The following VSTM1 variants were observed in gnomAD, a reference collection of about 807,000 sequenced individuals.
The protein encoded by VSTM1 is V-set and transmembrane domain-containing protein 1.
In VSTM1, 27 loss-of-function variants were observed where a neutral mutation model predicts 33.1. The observed-to-expected ratio is 0.82, with a 90% CI of 0.60 to 1.12. The LOEUF (loss-of-function observed/expected upper bound fraction) is 1.12. VSTM1 is among the 50% of genes most tolerant of loss of function. The probability of loss-of-function intolerance (pLI) is 0.00; values close to 1 mark genes in which losing one functional copy is unlikely to be tolerated. For synonymous variants in VSTM1, 115 were observed against 110.3 expected (o/e 1.04, Z -0.27); for missense variants, 304 against 288.9 (o/e 1.05, Z -0.38).
chr19:54,043,456 G>C (rs2070420181), intron 4 of VSTM1, among the ~76,000 whole-genome samples: 1 of 151,560 alleles, frequency 6.6e-6, no homozygotes, highest in Non-Finnish European at 1.5e-5. Flanking sequence ...TTATCGTCCA[G>C]GCTGGAGTGC....
chr19:54,042,839 CAT>C (rs57596611), intron 4 of VSTM1, among the ~76,000 whole-genome samples: 3,910 of 70,282 alleles, frequency 0.056, 115 homozygotes, highest in African/African-American at 0.13. Flanking sequence ...TATATATATA[CAT>C]ATATATATAT....
intron 1 of VSTM1, among the ~76,000 whole-genome samples, chr19:54,060,087 C>G (rs867982171): frequency 6.9e-6 from 1 of 145,468 alleles, no homozygotes; most frequent in African/African-American, 2.5e-5. Context: ...CTCCTGACCT[C>G]GTGATCCACC....
At chr19:54,045,523 C>T (rs2070531646) in intron 4 of VSTM1, among the ~76,000 whole-genome samples, 1 of 152,200 alleles carries the variant, frequency 6.6e-6, no homozygotes, top group South Asian at 2.1e-4. Flanking sequence ...CCTATCATAT[C>T]TAATTATCAC....
At chr19:54,052,383 G>T (rs2070897095) in intron 3 of VSTM1, among the ~76,000 whole-genome samples, 1 of 138,638 alleles carries the variant, frequency 7.2e-6, no homozygotes, top group African/African-American at 2.7e-5. Context: ...GAGGGACAGA[G>T]CCAGACTCCG....
At chr19:54,043,955 C>T (rs951673000) in intron 4 of VSTM1, among the ~76,000 whole-genome samples, 4 of 151,874 alleles carry the variant, frequency 2.6e-5, no homozygotes, top group Non-Finnish European at 5.9e-5. Flanking sequence ...AATGGGTTCC[C>T]ATTGTTGCCC....
chr19:54,062,924 T>C lies in VSTM1; in HGVS notation c.34+820A>G, dbSNP rs1326888273. On this transcript the variant is annotated intron_variant, in intron 1 of 8. Coordinates refer to ENST00000338372, the MANE Select transcript of VSTM1 (RefSeq NM_198481.4). ...TGCTGGGTCAAGCCTAGAGTTTCTA[T>C]GTAGTAAAGCCGAGATTATAACCCA... is the stretch of plus-strand genomic sequence containing the variant. Among the ~76,000 whole-genome samples, 3 of 152,054 alleles carry C rather than the reference T, an allele frequency of 2.0e-5. No homozygotes were observed. In the East Asian group the frequency reaches 5.8e-4, roughly 29 times the overall value.
rs147780357 is a variant in VSTM1, at chr19:54,063,633, C to A, written c.34+111G>T. 130 of 1,349,854 alleles carry A rather than the reference C, an allele frequency of 9.6e-5. 2 individuals are homozygous for A. In the East Asian group the frequency reaches 3.1e-3, roughly 32 times the overall value. The allele number at this position is 1,349,854 out of a possible 1,614,324, so 83.6% of individuals were successfully genotyped here. On this transcript the variant is annotated intron_variant, in intron 1 of 8. Transcript: ENST00000338372. ...CCCAGACCCACCCACCGCAGGTGTGCAACACCTGGAAGTCATTACTTCCAC... is the reference window on the plus strand; with the variant it reads ...CCCAGACCCACCCACCGCAGGTGTGAAACACCTGGAAGTCATTACTTCCAC...
chr19:54,058,400 C>A lies in VSTM1; in HGVS notation c.261G>T (p.Lys87Asn). The change falls in exon 3 of 9, where the codon AAG becomes AAT. Residue 87 changes from lysine (K) to asparagine (N), a missense_variant. Coordinates refer to ENST00000338372, the MANE Select transcript of VSTM1 (RefSeq NM_198481.4). ...NEAEFPFTDL[K>N]PKDAGRYFCA... is the part of the protein sequence containing the mutation. The stretch of plus-strand genomic sequence containing the variant: ...AAAAGTACCTCCCAGCATCCTTAGG[C>A]TTCAGGTCCGTGAAGGGGAATTCAG... 1 of 1,614,138 alleles carries A rather than the reference C, an allele frequency of 6.2e-7. No individual in the cohort carries two copies. Among genetic ancestry groups the A allele is most frequent in the Non-Finnish European group, 8.5e-7 (1 of 1,180,034 alleles).
intron 4 of VSTM1, 96 bp downstream of exon 4, chr19:54,051,314 C>T (rs969792348): frequency 5.4e-6 from 6 of 1,120,872 alleles, no homozygotes; most frequent in Non-Finnish European, 7.7e-6. Context: ...AACAAACAAA[C>T]AAACAAATAA....
In VSTM1 at chr19:54,044,126, C is replaced by T. The variant is rs183357298; in HGVS notation, c.395-1757G>A. On this transcript the variant is annotated intron_variant, in intron 4 of 8. Transcript: ENST00000338372. ...TGCCAGGTAATGAACAGCAGTGACACGGGCATGGAAGGCGTTTAGAGTGGG... is the reference window on the plus strand; with the variant it reads ...TGCCAGGTAATGAACAGCAGTGACATGGGCATGGAAGGCGTTTAGAGTGGG... Among the ~76,000 whole-genome samples, 70 of 152,110 alleles carry T rather than the reference C, an allele frequency of 4.6e-4. No homozygotes were observed. In the East Asian group the frequency reaches 5.8e-3, roughly 13 times the overall value.
At chr19:54,058,007 G>A (rs1197819636) in intron 3 of VSTM1, among the ~76,000 whole-genome samples, 1 of 152,150 alleles carries the variant, frequency 6.6e-6, no homozygotes, top group African/African-American at 2.4e-5. Flanking sequence ...TTGGGAGGCG[G>A]AGGCAGGTGG....
chr19:54,059,858 TA>T (rs1247052555), intron 1 of VSTM1, among the ~76,000 whole-genome samples: 2,201 of 142,700 alleles, frequency 0.015, 28 homozygotes, highest in Non-Finnish European at 0.024. Flanking sequence ...TTTTTTTTTT[TA>T]TTTTTCGAGA....
intron 1 of VSTM1, among the ~76,000 whole-genome samples, chr19:54,059,055 CTTTCT>C (rs1476613100): frequency 8.0e-6 from 1 of 125,588 alleles, no homozygotes; most frequent in Non-Finnish European, 1.6e-5. Context: ...GCAACTTCTT[CTTTCT>C]TTTTTTTTTT....
chr19:54,050,096 T>C (rs2070768422), intron 4 of VSTM1, among the ~76,000 whole-genome samples: 1 of 150,062 alleles, frequency 6.7e-6, no homozygotes, highest in Non-Finnish European at 1.5e-5. Context: ...CCTCCCAGGT[T>C]CAAGCAATTC....
intron 3 of VSTM1, among the ~76,000 whole-genome samples, chr19:54,053,705 G>C (rs8110260): frequency 0.29 from 41,168 of 140,894 alleles, 11,299 homozygotes; most frequent in Non-Finnish European, 0.38. Context: ...GCTAAGCTGT[G>C]CCTGGACTCC....
chr19:54,062,373 C>A (rs1299905965), intron 1 of VSTM1, among the ~76,000 whole-genome samples: 1 of 152,094 alleles, frequency 6.6e-6, no homozygotes, highest in Non-Finnish European at 1.5e-5. Flanking sequence ...CTCCTGGTTG[C>A]CCAGCTTACT....
chr19:54,042,167 A>C lies in VSTM1; in HGVS notation c.515+2T>G, dbSNP rs369663267. ...GGAGCATGAGCTATGCCAAGCATCT[A>C]CCTCTTGGTGGATTCCTCAGATGAT... On this transcript the variant is annotated splice_donor_variant, in intron 6 of 8. Transcript: ENST00000338372. LOFTEE classifies it high-confidence loss of function. 13 of 1,613,586 alleles carry C rather than the reference A, an allele frequency of 8.1e-6. No homozygotes were observed. Among genetic ancestry groups the C allele is most frequent in the Middle Eastern group, 1.6e-4 (1 of 6,084 alleles).
rs561698021 is a variant in VSTM1 at position 54,041,552 on chromosome 19, C to G, written c.591+227G>C. 1.2e-3 allele frequency among the ~76,000 whole-genome samples: 183 copies of G among 152,272 alleles called. 1 individual carries two copies. Among genetic ancestry groups the G allele is most frequent in the African/African-American group, 3.4e-3 (142 of 41,570 alleles). On this transcript the variant is annotated intron_variant, in intron 8 of 8. Transcript: ENST00000338372. Reference sequence around the variant, plus strand: ...TCCTGACCTCATGATCCGCCCGCCTCGGCCTCCCAAAGTGCTGGGATTACA... The same window carrying G: ...TCCTGACCTCATGATCCGCCCGCCTGGGCCTCCCAAAGTGCTGGGATTACA...
chr19:54,063,772 G>T lies in VSTM1; in HGVS notation c.6C>A (p.Thr2=). ...GGCAAAGCAGGGAGAGGAATTCTGC[G>T]GTCATAGCGTCCCTTCTGCCAGAAC... M[T]AEFLSLLCLG... is the part of the protein sequence containing the mutation. The change falls in exon 1 of 9, where the codon ACC becomes ACA. Residue 2 remains threonine (T), a synonymous_variant. Transcript: ENST00000338372. The T allele has an allele frequency of 1.2e-6, 2 of 1,613,778 alleles. No homozygotes were observed. The highest frequency in any genetic ancestry group is 1.1e-5 in the South Asian group (1 of 90,962).
Sources: gnomAD v4.1 joint callset for allele counts (sites outside exome capture counted in the v4.1 genomes callset) on GRCh38, gnomAD v4.1.1 for gene constraint, MANE v1.5 for transcripts, NCBI Gene and HGNC (gene_info 2026-07-23, HGNC 2026-07-21) for gene names.